NETO2: variants seen among roughly 807,000 people sequenced by gnomAD.
NETO2 encodes the protein neuropilin and tolloid like 2, also known as neuropilin and tolloid-like protein 2.
NETO2 carries 28 observed loss-of-function variants against 62.5 expected under a neutral mutation model. The ratio of observed to expected loss-of-function variants is 0.45; its 90% confidence interval spans 0.33 to 0.61. The LOEUF is 0.61. NETO2 is among the 20% of genes least tolerant of loss of function. NETO2 has a pLI of 0.02. For missense variants in NETO2, 548 were observed against 643.2 expected, an observed-to-expected ratio of 0.85 and a Z score of 1.60; for synonymous variants, 214 against 219.1, an observed-to-expected ratio of 0.98 and a Z score of 0.21.
rs1963058640 is a variant in NETO2, at chr16:47,081,457, A to G, written c.*1764T>C. ...AAAAAATTTAAATCATGAATACATT[A>G]TGTATAGGTTTTTCTGTCTCCTAAA... On this transcript the variant is annotated 3_prime_UTR_variant, in exon 9 of 9. Transcript: ENST00000562435. The G allele has an allele frequency of 6.6e-6, 1 of 152,512 alleles. No homozygotes were observed. The highest frequency in any genetic ancestry group is 1.5e-5 in the Non-Finnish European group (1 of 67,976). 9.4% of individuals were successfully genotyped at this position (152,512 alleles called of 1,614,324 possible).
chr16:47,101,239 T>G (rs1262731035), intron 7 of NETO2, among the ~76,000 whole-genome samples: 1 of 152,156 alleles, frequency 6.6e-6, no homozygotes, highest in Non-Finnish European at 1.5e-5. Flanking sequence ...CAACACCCCT[T>G]CATGCTAAAA....
intron 8 of NETO2, among the ~76,000 whole-genome samples, chr16:47,084,053 G>A (rs1963130598): frequency 1.3e-5 from 2 of 152,162 alleles, no homozygotes; most frequent in Non-Finnish European, 2.9e-5. Flanking sequence ...ACACATAAAT[G>A]CATACATTCT....
chr16:47,108,262 G>A (rs1373630629), intron 7 of NETO2, among the ~76,000 whole-genome samples: 1 of 152,180 alleles, frequency 6.6e-6, no homozygotes, highest in Non-Finnish European at 1.5e-5. Flanking sequence ...AAACGCTACA[G>A]TAGTAACTGT....
At chr16:47,106,469 G>A (rs1259773093) in intron 7 of NETO2, among the ~76,000 whole-genome samples, 1 of 151,748 alleles carries the variant, frequency 6.6e-6, no homozygotes, top group Non-Finnish European at 1.5e-5. Flanking sequence ...TGTATATTTT[G>A]CCACAGTTGA....
intron 7 of NETO2, among the ~76,000 whole-genome samples, chr16:47,097,936 G>A (rs914713903): frequency 2.1e-4 from 32 of 152,314 alleles, no homozygotes; most frequent in African/African-American, 7.0e-4. Flanking sequence ...AGAGGGGCCT[G>A]ACTGTTAGAA....
chr16:47,112,297 T>TCAAA (rs1963817644), intron 6 of NETO2, among the ~76,000 whole-genome samples: 1 of 152,218 alleles, frequency 6.6e-6, no homozygotes, highest in African/African-American at 2.4e-5. Flanking sequence ...TCAAGGGTAA[T>TCAAA]GGTGACTTTT....
chr16:47,089,532 T>C (rs769111891), intron 7 of NETO2, among the ~76,000 whole-genome samples: 1 of 152,194 alleles, frequency 6.6e-6, no homozygotes, highest in East Asian at 1.9e-4. Flanking sequence ...ATATATCTAA[T>C]AAGTAATTTA....
At chr16:47,127,927 G>C (rs1964189634) in intron 4 of NETO2, among the ~76,000 whole-genome samples, 1 of 152,188 alleles carries the variant, frequency 6.6e-6, no homozygotes, top group African/African-American at 2.4e-5. Context: ...TATTCATTCA[G>C]TTGAGTGGTT....
chr16:47,111,616 A>G (rs1393176075), intron 6 of NETO2, among the ~76,000 whole-genome samples: 1 of 152,136 alleles, frequency 6.6e-6, no homozygotes, highest in African/African-American at 2.4e-5. Context: ...CTATCCCTAT[A>G]TCCTACCCAG....
intron 7 of NETO2, among the ~76,000 whole-genome samples, chr16:47,098,206 A>C (rs1019270723): frequency 6.6e-6 from 1 of 152,160 alleles, no homozygotes; most frequent in Non-Finnish European, 1.5e-5. Context: ...AGGCTTCAGA[A>C]TGTGGGTAAT....
chr16:47,134,363 T>G (rs1322193671), intron 1 of NETO2, among the ~76,000 whole-genome samples: 1 of 152,148 alleles, frequency 6.6e-6, no homozygotes, highest in Non-Finnish European at 1.5e-5. Context: ...GTGTTGAAGA[T>G]CTCACGTTAT....
intron 7 of NETO2, among the ~76,000 whole-genome samples, chr16:47,097,697 G>C (rs1054665461): frequency 6.6e-5 from 10 of 152,214 alleles, no homozygotes; most frequent in Non-Finnish European, 1.0e-4. Flanking sequence ...GCCTCCTCAA[G>C]TGGGTCCCTG....
intron 7 of NETO2, among the ~76,000 whole-genome samples, chr16:47,088,307 T>C (rs1963242068): frequency 6.6e-6 from 1 of 152,164 alleles, no homozygotes; most frequent in Non-Finnish European, 1.5e-5. Context: ...GGTTTAACCA[T>C]GTTGGCCAGG....
chr16:47,134,131 C>T (rs935659152), intron 1 of NETO2, among the ~76,000 whole-genome samples: 2 of 152,144 alleles, frequency 1.3e-5, no homozygotes, highest in Admixed American at 6.5e-5. Flanking sequence ...GGTTGGTAGA[C>T]AGTTACCACT....
At chr16:47,124,091 G>T (rs1217855639) in intron 4 of NETO2, among the ~76,000 whole-genome samples, 1 of 152,112 alleles carries the variant, frequency 6.6e-6, no homozygotes, top group Non-Finnish European at 1.5e-5. Flanking sequence ...ACTTTAGGAA[G>T]TTATCAAATT....
At chr16:47,106,412 C>T (rs1196445865) in intron 7 of NETO2, among the ~76,000 whole-genome samples, 1 of 152,048 alleles carries the variant, frequency 6.6e-6, no homozygotes, top group Non-Finnish European at 1.5e-5. Flanking sequence ...GTACTTAATG[C>T]CACTGATTTG....
intron 2 of NETO2, among the ~76,000 whole-genome samples, 187 bp downstream of exon 2, chr16:47,131,782 T>C (rs992359586): frequency 3.3e-5 from 5 of 152,228 alleles, no homozygotes; most frequent in Non-Finnish European, 7.3e-5. Context: ...GGCAAGACTT[T>C]ATGCTGACAA....
chr16:47,083,108 C>A lies in NETO2; in HGVS notation c.*113G>T. ...ACCATACAATAGGTTAACGGTAAAT[C>A]AAGGTCTTCGTAGTTGTGATGGGAG... On this transcript the variant is annotated 3_prime_UTR_variant, in exon 9 of 9. Coordinates refer to ENST00000562435, the MANE Select transcript of NETO2 (RefSeq NM_018092.5). The A allele has an allele frequency of 1.1e-6, 1 of 913,154 alleles. No individual in the cohort carries two copies. Among genetic ancestry groups the A allele is most frequent in the South Asian group, 1.7e-5 (1 of 58,496 alleles). 56.6% of individuals were successfully genotyped at this position (913,154 alleles called of 1,614,324 possible).
chr16:47,080,128 C>T lies in NETO2; in HGVS notation c.*3093G>A, dbSNP rs1963037850. 2 of 152,120 alleles carry T rather than the reference C, an allele frequency of 1.3e-5. No homozygotes were observed. Among genetic ancestry groups the T allele is most frequent in the Non-Finnish European group, 2.9e-5 (2 of 68,026 alleles). 9.4% of individuals were successfully genotyped at this position (152,120 alleles called of 1,614,324 possible). A position where few individuals can be genotyped will look rare whatever the true frequency, so the allele number is the denominator to read the frequency against. ...TGAACATTCTTTGCCTTTTGTTAAA[C>T]GTTTAGATTGACACTCTCCCCACAC... On this transcript the variant is annotated 3_prime_UTR_variant, in exon 9 of 9. Coordinates refer to ENST00000562435, the MANE Select transcript of NETO2 (RefSeq NM_018092.5).
Sources: allele counts gnomAD v4.1 joint callset (sites outside exome capture counted in the v4.1 genomes callset), GRCh38; gene constraint gnomAD v4.1.1; transcripts MANE v1.5; gene names NCBI Gene and HGNC (gene_info 2026-07-23, HGNC 2026-07-21).